MTCL3: variants seen among roughly 807,000 people sequenced by gnomAD.
The protein encoded by MTCL3 is microtubule cross-linking factor 3.
the MTCL3 span, among the ~76,000 whole-genome samples, chr6:127,495,088 T>C: frequency 6.6e-6 from 1 of 150,888 alleles, no homozygotes; most frequent in Non-Finnish European, 1.5e-5. Flanking sequence ...TCCCAGCTAC[T>C]AGGAAGGCGG....
At chr6:127,491,296 C>T in the MTCL3 span, among the ~76,000 whole-genome samples, 4 of 152,156 alleles carry the variant, frequency 2.6e-5, no homozygotes, top group Non-Finnish European at 4.4e-5. Flanking sequence ...AAAGGAAGAG[C>T]CAACTGACGT....
chr6:127,508,655 GA>G, the MTCL3 span, among the ~76,000 whole-genome samples: 1 of 152,178 alleles, frequency 6.6e-6, no homozygotes, highest in Non-Finnish European at 1.5e-5. Flanking sequence ...CTGAAAAGAA[GA>G]AAGATCTGAT....
the MTCL3 span, among the ~76,000 whole-genome samples, chr6:127,498,130 A>G: frequency 6.6e-6 from 1 of 152,258 alleles, no homozygotes; most frequent in Non-Finnish European, 1.5e-5. Context: ...TTGCACTTCA[A>G]AAGACACTAT....
chr6:127,475,392 C>T, the MTCL3 span: 3 of 1,613,372 alleles, frequency 1.9e-6, no homozygotes, highest in Non-Finnish European at 2.5e-6. This position sits in a 1 kb window ranked among gnomAD's most constrained non-coding sequence, Gnocchi z 7.3. Context: ...GGAAGGCCTT[C>T]ATCTGAGCGT....
the MTCL3 span, among the ~76,000 whole-genome samples, chr6:127,494,004 A>G: frequency 1.3e-5 from 2 of 152,196 alleles, no homozygotes; most frequent in African/African-American, 4.8e-5. Context: ...TACCAATAAA[A>G]GAGGAAACTT....
At chr6:127,516,808 T>G in the MTCL3 span, 8 of 939,986 alleles carry the variant, frequency 8.5e-6, no homozygotes, top group Non-Finnish European at 1.2e-5. Flanking sequence ...GCTTTGACTT[T>G]AGGAATAGGA....
At chr6:127,475,929 C>G in the MTCL3 span, 4 of 1,613,100 alleles carry the variant, frequency 2.5e-6, no homozygotes, top group Admixed American at 6.7e-5. The surrounding 1 kb of genome is among the most constrained non-coding windows in gnomAD (Gnocchi z 7.3). Flanking sequence ...CCTGCAGGGC[C>G]TCGGTCTTGG....
At chr6:127,483,673 A>G in the MTCL3 span, among the ~76,000 whole-genome samples, 1 of 152,190 alleles carries the variant, frequency 6.6e-6, no homozygotes, top group Non-Finnish European at 1.5e-5. Context: ...TAAAATTCAA[A>G]CTAACACTTT....
the MTCL3 span, chr6:127,514,757 G>C: frequency 3.7e-6 from 5 of 1,341,806 alleles, no homozygotes; most frequent in Non-Finnish European, 4.1e-6. Context: ...TCAGCCTAAA[G>C]AGCCCTTGGC....
At chr6:127,477,318 A>G in the MTCL3 span, among the ~76,000 whole-genome samples, 5 of 152,232 alleles carry the variant, frequency 3.3e-5, no homozygotes, top group East Asian at 1.9e-4. Context: ...TCAGAGCCCA[A>G]TCATTAACTA....
chr6:127,479,971 T>C, the MTCL3 span, among the ~76,000 whole-genome samples: 1 of 152,220 alleles, frequency 6.6e-6, no homozygotes, highest in African/African-American at 2.4e-5. Flanking sequence ...CAGTAAATAC[T>C]TTCTCCTATT....
the MTCL3 span, among the ~76,000 whole-genome samples, chr6:127,494,593 G>A: frequency 6.6e-6 from 1 of 152,298 alleles, no homozygotes; most frequent in Middle Eastern, 3.4e-3. Context: ...ATTGGCCTCT[G>A]TATTTTCTAA....
the MTCL3 span, chr6:127,516,651 A>T: frequency 2.8e-5 from 44 of 1,574,864 alleles, no homozygotes; most frequent in African/African-American, 5.8e-4. Context: ...GGAAGAGCCC[A>T]TTACTAGATC....
chr6:127,496,184 T>A, the MTCL3 span, among the ~76,000 whole-genome samples: 3 of 152,172 alleles, frequency 2.0e-5, no homozygotes, highest in Non-Finnish European at 2.9e-5. Flanking sequence ...TAATCAAAGA[T>A]GAACCAGACT....
At chr6:127,474,830 C>T in the MTCL3 span, among the ~76,000 whole-genome samples, 5 of 152,172 alleles carry the variant, frequency 3.3e-5, no homozygotes, top group Non-Finnish European at 7.4e-5. Flanking sequence ...CCACCCTCCT[C>T]GGCCTCCTAG....
the MTCL3 span, chr6:127,515,608 G>T: frequency 3.3e-5 from 47 of 1,421,562 alleles, no homozygotes; most frequent in Non-Finnish European, 4.2e-5. This position sits in a 1 kb window ranked among gnomAD's most constrained non-coding sequence, Gnocchi z 4.3. Context: ...CGACGAAGGG[G>T]GCGCTGCCGC....
the MTCL3 span, among the ~76,000 whole-genome samples, chr6:127,509,418 T>A: frequency 6.6e-6 from 1 of 152,158 alleles, no homozygotes; most frequent in Non-Finnish European, 1.5e-5. Context: ...TTGAAGCTAA[T>A]TAAATTTTTA....
chr6:127,500,224 A>G, the MTCL3 span, among the ~76,000 whole-genome samples: 1 of 152,250 alleles, frequency 6.6e-6, no homozygotes, highest in African/African-American at 2.4e-5. Flanking sequence ...TCTGACCTAC[A>G]AAGGAATAAA....
At chr6:127,512,796 A>G in the MTCL3 span, 6 of 1,239,732 alleles carry the variant, frequency 4.8e-6, no homozygotes, top group African/African-American at 9.1e-5. Context: ...TCCTGCAATC[A>G]TAAAAGAAAT....
Sources: gnomAD v4.1 joint callset for allele counts (sites outside exome capture counted in the v4.1 genomes callset) on GRCh38, gnomAD v4.1.1 for gene constraint, Gnocchi (gnomAD v3.1) non-coding constraint, MANE v1.5 for transcripts, NCBI Gene and HGNC (gene_info 2026-07-23, HGNC 2026-07-21) for gene names.